GSAP: variants seen among roughly 807,000 people sequenced by gnomAD.
GSAP encodes gamma-secretase activating protein.
In GSAP, 118 loss-of-function variants were observed where a neutral mutation model predicts 131.7. The ratio of observed to expected loss-of-function variants is 0.90; its 90% confidence interval spans 0.77 to 1.04. GSAP has a LOEUF of 1.04. Ranked by LOEUF, GSAP falls within the 50% of genes least tolerant of loss-of-function variation. The pLI is 0.00. For synonymous variants in GSAP, 381 were observed against 363.4 expected (o/e 1.05, Z -0.55); for missense variants, 1,019 against 1,013.2 (o/e 1.01, Z -0.08).
chr7:77,412,639 TAATC>T (rs1332123884), intron 1 of GSAP, among the ~76,000 whole-genome samples: 1 of 151,422 alleles, frequency 6.6e-6, no homozygotes, highest in Non-Finnish European at 1.5e-5. Flanking sequence ...ACCCCTAAAA[TAATC>T]AATTAAAAAA....
intron 19 of GSAP, among the ~76,000 whole-genome samples, chr7:77,349,039 A>T (rs970605337): frequency 5.3e-5 from 8 of 152,238 alleles, no homozygotes; most frequent in African/African-American, 1.9e-4. Flanking sequence ...AAGATCATCT[A>T]CAAGACCTCC....
intron 19 of GSAP, among the ~76,000 whole-genome samples, chr7:77,341,118 C>T (rs185141796): frequency 1.6e-4 from 25 of 152,248 alleles, no homozygotes; most frequent in African/African-American, 5.1e-4. Context: ...TTACAAGACC[C>T]GGATGATTTT....
At chr7:77,331,109 C>T (rs965042865) in intron 19 of GSAP, among the ~76,000 whole-genome samples, 1 of 151,834 alleles carries the variant, frequency 6.6e-6, no homozygotes. Flanking sequence ...GTCAGGAGAT[C>T]GAGACCACGG....
At chr7:77,322,097 T>C (rs1236874784) in intron 24 of GSAP, among the ~76,000 whole-genome samples, 9 of 152,114 alleles carry the variant, frequency 5.9e-5, no homozygotes, top group Admixed American at 5.2e-4. Context: ...AATCCACACA[T>C]TGTGTGGGCT....
chr7:77,316,699 C>T (rs1484507446), intron 26 of GSAP, among the ~76,000 whole-genome samples: 2 of 152,168 alleles, frequency 1.3e-5, no homozygotes, highest in Admixed American at 6.5e-5. Context: ...CTAAAGGTCC[C>T]TGATGACCCT....
At chr7:77,374,995 T>A in intron 11 of GSAP, 63 bp downstream of exon 11, 1 of 789,202 alleles carries the variant, frequency 1.3e-6, no homozygotes, top group Non-Finnish European at 2.1e-6. Flanking sequence ...AATGTACGAA[T>A]AAATATAATC....
At chr7:77,408,270 C>T (rs1583939571) in intron 1 of GSAP, among the ~76,000 whole-genome samples, 1 of 152,210 alleles carries the variant, frequency 6.6e-6, no homozygotes, top group Admixed American at 6.5e-5. Context: ...TATAAGTTAA[C>T]TGACCATCTT....
chr7:77,341,214 A>G (rs1412250780), intron 19 of GSAP, among the ~76,000 whole-genome samples: 1 of 151,894 alleles, frequency 6.6e-6, no homozygotes, highest in Non-Finnish European at 1.5e-5. Context: ...TCTGCTCCCA[A>G]TGTGACTCAT....
intron 8 of GSAP, among the ~76,000 whole-genome samples, chr7:77,380,603 T>C (rs1797647187): frequency 6.6e-6 from 1 of 151,734 alleles, no homozygotes; most frequent in South Asian, 2.1e-4. Flanking sequence ...GCTGAATGAG[T>C]AAAAAATGAA....
intron 23 of GSAP, among the ~76,000 whole-genome samples, chr7:77,325,864 C>T (rs1369225154): frequency 6.6e-6 from 1 of 152,194 alleles, no homozygotes; most frequent in Non-Finnish European, 1.5e-5. Context: ...AGCCACTGTG[C>T]CCGGCCTGTT....
chr7:77,346,958 C>T (rs1472804454), intron 19 of GSAP, among the ~76,000 whole-genome samples: 1 of 148,854 alleles, frequency 6.7e-6, no homozygotes, highest in Non-Finnish European at 1.5e-5. Flanking sequence ...CCCCACCCCC[C>T]TGCCTTTCTG....
At chr7:77,405,812 T>TA (rs1802163803) in intron 2 of GSAP, among the ~76,000 whole-genome samples, 1 of 152,194 alleles carries the variant, frequency 6.6e-6, no homozygotes, top group African/African-American at 2.4e-5. Flanking sequence ...GTGCTAGAAT[T>TA]ACAATTGTGA....
At chr7:77,325,052 G>T (rs1368187798) in intron 23 of GSAP, among the ~76,000 whole-genome samples, 1 of 152,022 alleles carries the variant, frequency 6.6e-6, no homozygotes, top group Non-Finnish European at 1.5e-5. Context: ...CTGACCTCAG[G>T]TGATCCACCC....
chr7:77,347,204 G>T (rs78242505), intron 19 of GSAP, among the ~76,000 whole-genome samples: 4,029 of 152,032 alleles, frequency 0.027, 175 homozygotes, highest in African/African-American at 0.087. Context: ...TTTATAATAG[G>T]CCAGTAAACA....
intron 1 of GSAP, among the ~76,000 whole-genome samples, chr7:77,407,855 C>T (rs1275608719): frequency 1.3e-5 from 2 of 152,046 alleles, no homozygotes; most frequent in Non-Finnish European, 2.9e-5. Context: ...AACCAGAAAC[C>T]CAAACTATCC....
intron 19 of GSAP, among the ~76,000 whole-genome samples, chr7:77,339,144 G>A (rs2094159224): frequency 6.6e-6 from 1 of 152,158 alleles, no homozygotes; most frequent in Non-Finnish European, 1.5e-5. Flanking sequence ...ACTGAGACTA[G>A]GGAGAGAGGA....
In GSAP at chr7:77,391,906, C is replaced by T. The variant is rs150462508; in HGVS notation, c.368-4458G>A. ...TACAATCCCTTTCAGCCATAAAATC[C>T]CATTATTCTATGAGGTGCTAAATTA... On this transcript the variant is annotated intron_variant, in intron 5 of 30. Transcript: ENST00000257626. Among the ~76,000 whole-genome samples the T allele has an allele frequency of 4.1e-4, 63 of 152,122 alleles. No homozygotes were observed. The East Asian group carries it at 0.012, about 29-fold the overall frequency.
intron 25 of GSAP, 86 bp from the exon 26 acceptor site, chr7:77,320,905 C>A: frequency 1.3e-6 from 1 of 787,368 alleles, no homozygotes; most frequent in South Asian, 1.4e-5. Context: ...TTGAGTACTA[C>A]ACAAGGGTTC....
intron 19 of GSAP, among the ~76,000 whole-genome samples, chr7:77,340,153 A>G (rs74326974): frequency 3.9e-5 from 6 of 152,128 alleles, no homozygotes; most frequent in Non-Finnish European, 7.4e-5. Flanking sequence ...AAGCTCCCCG[A>G]CTGAGCACCT....
Sources: gnomAD v4.1 joint callset for allele counts (sites outside exome capture counted in the v4.1 genomes callset) on GRCh38, gnomAD v4.1.1 for gene constraint, MANE v1.5 for transcripts, NCBI Gene and HGNC (gene_info 2026-07-23, HGNC 2026-07-21) for gene names.